PPP3CA: variants seen among roughly 807,000 people sequenced by gnomAD.
PPP3CA encodes protein phosphatase 3 catalytic subunit alpha, also known as CAM-PRP catalytic subunit.
PPP3CA carries 14 observed loss-of-function variants against 66.5 expected under a neutral mutation model. That is an observed-to-expected ratio of 0.21 (90% CI 0.14 to 0.33). The LOEUF (loss-of-function observed/expected upper bound fraction) is 0.33, where lower values mean the gene tolerates loss of function less well. Among genes scored for constraint, PPP3CA ranks in the 10% least tolerant of loss-of-function variants. The pLI is 1.00. For synonymous variants in PPP3CA, 232 were observed against 226.2 expected (o/e 1.03, Z -0.23); for missense variants, 317 against 639.5 (o/e 0.50, Z 5.44).
intron 1 of PPP3CA, among the ~76,000 whole-genome samples, chr4:101,340,532 A>G (rs1471525925): frequency 6.6e-6 from 1 of 152,202 alleles, no homozygotes; most frequent in Non-Finnish European, 1.5e-5. Context: ...GATTTAAGCC[A>G]TTATTCAGAA....
chr4:101,178,479 T>C (rs1351353884), intron 2 of PPP3CA, among the ~76,000 whole-genome samples: 2 of 152,068 alleles, frequency 1.3e-5, no homozygotes, highest in African/African-American at 2.4e-5. Context: ...CTGAAAATAA[T>C]GTATTCTATC....
At chr4:101,323,803 G>A (rs948367189) in intron 1 of PPP3CA, among the ~76,000 whole-genome samples, 2 of 152,072 alleles carry the variant, frequency 1.3e-5, no homozygotes, top group African/African-American at 4.8e-5. Flanking sequence ...CTATTACCGT[G>A]TTTTAATGAC....
Position 101,183,646 on chromosome 4 carries a change from GA to G in PPP3CA, c.259+12269del, listed in dbSNP as rs1340067081. Among the ~76,000 whole-genome samples the G allele has an allele frequency of 3.3e-5, 5 of 152,128 alleles. No homozygotes were observed. In the East Asian group the frequency reaches 7.7e-4, roughly 24 times the overall value. On this transcript the variant is annotated intron_variant, in intron 2 of 13. Transcript: ENST00000394854. ...TTAAAAATATATGAAAGCAATTTTAGAAAAAAATTTTGATTCTCAAAGTTAC... is the reference window on the plus strand; with the variant it reads ...TTAAAAATATATGAAAGCAATTTTAGAAAAAATTTTGATTCTCAAAGTTAC...
intron 1 of PPP3CA, among the ~76,000 whole-genome samples, chr4:101,333,105 T>C (rs1729443310): frequency 7.3e-4 from 2 of 2,756 alleles, no homozygotes; most frequent in Admixed American, 4.5e-3. Context: ...TCTTCTTTCT[T>C]TTTTTTTTTT....
chr4:101,313,812 C>A (rs1339245299), intron 1 of PPP3CA, among the ~76,000 whole-genome samples: 1 of 152,044 alleles, frequency 6.6e-6, no homozygotes, highest in East Asian at 1.9e-4. Context: ...TAAAATTATA[C>A]AAGATACACA....
intron 1 of PPP3CA, among the ~76,000 whole-genome samples, chr4:101,238,759 A>G (rs1049476447): frequency 6.6e-6 from 1 of 152,072 alleles, no homozygotes; most frequent in African/African-American, 2.4e-5. Flanking sequence ...TAATGGATGT[A>G]AAAAGAGAAA....
chr4:101,266,119 A>G (rs1277186607), intron 1 of PPP3CA, among the ~76,000 whole-genome samples: 1 of 152,134 alleles, frequency 6.6e-6, no homozygotes. Flanking sequence ...ATAATAATTA[A>G]TAATTCCAGA....
intron 1 of PPP3CA, among the ~76,000 whole-genome samples, chr4:101,220,299 G>GTTTTTTTTTT (rs33967695): frequency 1.4e-5 from 2 of 147,524 alleles, no homozygotes; most frequent in Non-Finnish European, 3.0e-5. Context: ...TTGACAGCAC[G>GTTTTTTTTTT]TTTTTTTTTT....
At chr4:101,130,313 T>C (rs914519177) in intron 2 of PPP3CA, among the ~76,000 whole-genome samples, 4 of 152,098 alleles carry the variant, frequency 2.6e-5, no homozygotes, top group African/African-American at 7.2e-5. Context: ...TGGAACCAAG[T>C]TGGAAAAAAC....
chr4:101,134,026 GA>G (rs1465785797), intron 2 of PPP3CA, among the ~76,000 whole-genome samples: 4 of 152,178 alleles, frequency 2.6e-5, no homozygotes, highest in Admixed American at 2.6e-4. Context: ...ATGGTGTTGG[GA>G]AAACTGGCTA....
intron 1 of PPP3CA, among the ~76,000 whole-genome samples, chr4:101,333,166 A>T (rs1167566904): frequency 7.3e-5 from 10 of 137,666 alleles, no homozygotes; most frequent in African/African-American, 2.7e-4. Flanking sequence ...ATGTAACGGC[A>T]TGATCATGAC....
chr4:101,308,145 C>A (rs1728605199), intron 1 of PPP3CA, among the ~76,000 whole-genome samples: 1 of 152,264 alleles, frequency 6.6e-6, no homozygotes, highest in Non-Finnish European at 1.5e-5. Context: ...TATGTGCTCT[C>A]ATAGATTCAT....
intron 4 of PPP3CA, 36 bp from the exon 5 acceptor site, chr4:101,098,548 T>C (rs772427263): frequency 3.2e-6 from 5 of 1,548,152 alleles, no homozygotes; most frequent in Admixed American, 4.0e-5. Context: ...TTATGATTTA[T>C]AGGCAGGATC....
chr4:101,251,189 A>G (rs1246322556), intron 1 of PPP3CA, among the ~76,000 whole-genome samples: 2 of 152,134 alleles, frequency 1.3e-5, no homozygotes, highest in African/African-American at 2.4e-5. Flanking sequence ...CAAATGTAGA[A>G]CAATGAAAGA....
At chr4:101,234,244 C>T (rs139181058) in intron 1 of PPP3CA, among the ~76,000 whole-genome samples, 387 of 151,834 alleles carry the variant, frequency 2.5e-3, no homozygotes, top group Non-Finnish European at 4.3e-3. Context: ...AATATCTATT[C>T]CTTTGGGTAT....
chr4:101,064,537 G>A (rs1250274668), intron 8 of PPP3CA, among the ~76,000 whole-genome samples: 1 of 151,866 alleles, frequency 6.6e-6, no homozygotes, highest in African/African-American at 2.4e-5. Context: ...ATGTTATGGG[G>A]TTGAAAATAC....
At chr4:101,091,821 C>CTAA (rs34522517) in intron 6 of PPP3CA, among the ~76,000 whole-genome samples, 26,245 of 138,594 alleles carry the variant, frequency 0.19, 2,735 homozygotes, top group East Asian at 0.3. Flanking sequence ...TCTTCAGTAT[C>CTAA]TAATAATAAT....
chr4:101,125,577 A>G (rs960110782), intron 2 of PPP3CA, among the ~76,000 whole-genome samples: 1 of 152,176 alleles, frequency 6.6e-6, no homozygotes, highest in South Asian at 2.1e-4. Context: ...GCCTATTATC[A>G]AAAGAAAAGG....
At chr4:101,026,157 T>C in intron 13 of PPP3CA, 96 bp from the exon 14 acceptor site, 1 of 1,024,968 alleles carries the variant, frequency 9.8e-7, no homozygotes. Flanking sequence ...GATTTCTCAG[T>C]GAGAGGGAAT....
Sources: gnomAD v4.1 joint callset for allele counts (sites outside exome capture counted in the v4.1 genomes callset) on GRCh38, gnomAD v4.1.1 for gene constraint, MANE v1.5 for transcripts, NCBI Gene and HGNC (gene_info 2026-07-23, HGNC 2026-07-21) for gene names.